Variants in SYNE1 observed in about 807,000 individuals in gnomAD.
SYNE1 encodes the protein nesprin-1.
SYNE1 carries 616 observed loss-of-function variants against 1,111.0 expected under a neutral mutation model. The ratio of observed to expected loss-of-function variants is 0.55; its 90% confidence interval spans 0.52 to 0.59. The LOEUF (loss-of-function observed/expected upper bound fraction) is 0.59. Ranked by LOEUF, SYNE1 falls within the 20% of genes least tolerant of loss-of-function variation. The pLI is 0.00. For missense variants in SYNE1, 10,006 were observed against 10,417.0 expected, an observed-to-expected ratio of 0.96 and a Z score of 1.72; for synonymous variants, 3,855 against 3,825.8, an observed-to-expected ratio of 1.01 and a Z score of -0.28.
In SYNE1 at chr6:152,279,142, C is replaced by G. The variant is rs894033840; in HGVS notation, c.18382-862G>C. On this transcript the variant is annotated intron_variant, in intron 97 of 145. Coordinates refer to ENST00000367255, the MANE Select transcript of SYNE1 (RefSeq NM_182961.4). ...GCCTGAGCCTCTCAATTTTTCTTTT[C>G]TTTTCTTTTTTTTTTTTTTTTTTTG... 2.8e-5 allele frequency among the ~76,000 whole-genome samples: 3 copies of G among 105,466 alleles called. No homozygotes were observed. In the East Asian group the frequency reaches 9.3e-4, roughly 33 times the overall value. The allele number at this position is 105,466 out of a possible 152,430, so 69.2% of individuals were successfully genotyped here. A position where few individuals can be genotyped will look rare whatever the true frequency, so the allele number is the denominator to read the frequency against.
chr6:152,259,581 G>A (rs1487218303), intron 101 of SYNE1, among the ~76,000 whole-genome samples: 1 of 152,154 alleles, frequency 6.6e-6, no homozygotes, highest in Non-Finnish European at 1.5e-5. Context: ...CCTGATTCCA[G>A]ATTCACCTCT....
intron 128 of SYNE1, chr6:152,185,210 T>C (rs1159175892): frequency 1.3e-5 from 2 of 152,126 alleles, no homozygotes; most frequent in African/African-American, 2.4e-5. Flanking sequence ...AACAAAACAT[T>C]TGGGCTGTCT....
chr6:152,585,250 C>T (rs1317432458), intron 3 of SYNE1, among the ~76,000 whole-genome samples: 2 of 152,188 alleles, frequency 1.3e-5, no homozygotes, highest in African/African-American at 4.8e-5. Flanking sequence ...AACTGTGAGT[C>T]AATTAAACTT....
Position 152,339,298 on chromosome 6 carries a change from G to T in SYNE1, c.12294C>A (p.Asp4098Glu). 1 of 1,614,072 alleles carries T rather than the reference G, an allele frequency of 6.2e-7. No homozygotes were observed. Among genetic ancestry groups the T allele is most frequent in the Non-Finnish European group, 8.5e-7 (1 of 1,179,952 alleles). The change falls in exon 75 of 146, where the codon GAC becomes GAA. Residue 4098 changes from aspartate to glutamate, a missense_variant. Asp to Glu is a conservative substitution (Grantham distance 45). Coordinates refer to ENST00000367255, the MANE Select transcript of SYNE1 (RefSeq NM_182961.4). ...TGGTTTTCACCGAAGCATTTGACAG[G>T]TCACACATGGAGCAAAGGAGATCTA... ...TYLDLLCSMCDLSNASVKTTA... is the reference protein window; with the variant it reads ...TYLDLLCSMCELSNASVKTTA...
chr6:152,511,010 C>A lies in SYNE1; in HGVS notation c.402+1G>T, dbSNP rs1014368541. ...CTGAAAGAGGAACTGTAGCACAATACCTGGAAATATAGAATAATGGTCCAC... is the reference window on the plus strand; with the variant it reads ...CTGAAAGAGGAACTGTAGCACAATAACTGGAAATATAGAATAATGGTCCAC... On this transcript the variant is annotated splice_donor_variant, in intron 7 of 145. Coordinates refer to ENST00000367255, the MANE Select transcript of SYNE1 (RefSeq NM_182961.4). LOFTEE classifies it high-confidence loss of function. 1.9e-6 allele frequency: 3 copies of A among 1,613,350 alleles called. No homozygotes were observed. The African/African-American group carries it at 4.0e-5, about 22-fold the overall frequency.
chr6:152,334,661 A>C (rs1469008549), intron 76 of SYNE1, among the ~76,000 whole-genome samples: 2 of 152,236 alleles, frequency 1.3e-5, no homozygotes, highest in Non-Finnish European at 2.9e-5. Flanking sequence ...TCTTAAACTA[A>C]GGGTGCTTTT....
chr6:152,310,646 G>GATAGAC (rs2095518562), intron 88 of SYNE1, 42 bp downstream of exon 88: 1 of 1,609,012 alleles, frequency 6.2e-7, no homozygotes, highest in South Asian at 1.1e-5. Flanking sequence ...TTCTTTCAAT[G>GATAGAC]ATAGACATTT....
At chr6:152,430,837 A>G in intron 34 of SYNE1, 128 bp from the exon 35 acceptor site, 2 of 890,972 alleles carry the variant, frequency 2.2e-6, no homozygotes, top group Non-Finnish European at 3.6e-6. Context: ...GTTAGAGCGC[A>G]GCTGTGAGCA....
chr6:152,632,802 TA>T (rs2099700103), intron 2 of SYNE1, among the ~76,000 whole-genome samples: 1 of 152,224 alleles, frequency 6.6e-6, no homozygotes, highest in African/African-American at 2.4e-5. Context: ...TTTTAAAAGA[TA>T]AATATGTCAT....
At chr6:152,149,305 G>A (rs905890607) in intron 136 of SYNE1, among the ~76,000 whole-genome samples, 172 bp downstream of exon 136, 4 of 152,198 alleles carry the variant, frequency 2.6e-5, no homozygotes, top group African/African-American at 9.7e-5. Context: ...CAAGAAGGGT[G>A]AAGTGAGTAG....
chr6:152,234,172 G>A (rs1391994414), intron 111 of SYNE1, among the ~76,000 whole-genome samples: 1 of 152,220 alleles, frequency 6.6e-6, no homozygotes, highest in Non-Finnish European at 1.5e-5. Context: ...GTAAGAGGCA[G>A]TGTTGAGTCA....
intron 74 of SYNE1, among the ~76,000 whole-genome samples, chr6:152,341,052 A>G (rs1376451481): frequency 1.3e-5 from 2 of 152,180 alleles, no homozygotes; most frequent in African/African-American, 2.4e-5. Context: ...TTGTGACTCC[A>G]ATCTGAGTAT....
intron 17 of SYNE1, 39 bp downstream of exon 17, chr6:152,465,943 T>C (rs756381845): frequency 7.2e-7 from 1 of 1,381,436 alleles, no homozygotes; most frequent in East Asian, 2.3e-5. Context: ...TAAATTCTAC[T>C]GCAGTCTACG....
chr6:152,556,112 A>T (rs1038053572), intron 3 of SYNE1, among the ~76,000 whole-genome samples: 7 of 152,218 alleles, frequency 4.6e-5, no homozygotes, highest in African/African-American at 1.7e-4. Flanking sequence ...AGATGGCATA[A>T]TAGCAGTTTC....
At chr6:152,472,435 A>T (rs1391032603) in intron 14 of SYNE1, 22 bp from the exon 15 acceptor site, 3 of 1,599,608 alleles carry the variant, frequency 1.9e-6, no homozygotes, top group Non-Finnish European at 2.6e-6. Flanking sequence ...TTTAAAAAAA[A>T]ATAAAAAATG....
intron 95 of SYNE1, among the ~76,000 whole-genome samples, chr6:152,286,170 TAC>T (rs1488080397): frequency 6.6e-6 from 1 of 152,214 alleles, no homozygotes. Flanking sequence ...TAATATTATA[TAC>T]ATCTAGAAAA....
At chr6:152,302,271 C>A in intron 91 of SYNE1, 2 of 651,282 alleles carry the variant, frequency 3.1e-6, no homozygotes, top group Non-Finnish European at 5.4e-6. Context: ...AGCCAAAGTG[C>A]CCGAGCCCGC....
chr6:152,631,782 T>G (rs1182324047), intron 2 of SYNE1, among the ~76,000 whole-genome samples: 1 of 151,446 alleles, frequency 6.6e-6, no homozygotes, highest in Non-Finnish European at 1.5e-5. Context: ...ATCTGAGGAG[T>G]CTCAGATGAC....
intron 53 of SYNE1, 31 bp downstream of exon 53, chr6:152,390,249 C>A: frequency 1.9e-6 from 3 of 1,613,270 alleles, no homozygotes; most frequent in Non-Finnish European, 2.5e-6. Flanking sequence ...CTGCATTGGA[C>A]TTAAACAAAC....
Sources: gnomAD v4.1 joint callset for allele counts (sites outside exome capture counted in the v4.1 genomes callset) on GRCh38, gnomAD v4.1.1 for gene constraint, MANE v1.5 for transcripts, NCBI Gene and HGNC (gene_info 2026-07-23, HGNC 2026-07-21) for gene names.